PTPRT: variants seen among roughly 807,000 people sequenced by gnomAD.
PTPRT encodes the protein receptor-type tyrosine-protein phosphatase T.
A neutral mutation model predicts 176.8 loss-of-function variants in PTPRT; 56 were observed. The observed-to-expected ratio is 0.32, with a 90% CI of 0.26 to 0.40. The LOEUF is 0.40. PTPRT is among the 10% of genes least tolerant of loss of function. The pLI, the probability that PTPRT is intolerant of heterozygous loss-of-function variation, is 1.00. For missense variants in PTPRT, 1,540 were observed against 1,908.2 expected (o/e 0.81, Z 3.60); for synonymous variants, 783 against 739.0 (o/e 1.06, Z -0.96).
intron 7 of PTPRT, among the ~76,000 whole-genome samples, chr20:42,512,881 CAG>C (rs1313086134): frequency 1.3e-5 from 2 of 151,942 alleles, no homozygotes; most frequent in African/African-American, 4.8e-5. Context: ...TTTTTTGAGA[CAG>C]AGTTTCGCTC....
At chr20:42,985,810 C>A (rs1258308417) in intron 1 of PTPRT, among the ~76,000 whole-genome samples, 1 of 152,036 alleles carries the variant, frequency 6.6e-6, no homozygotes, top group Non-Finnish European at 1.5e-5. Context: ...GGAGTGCGCC[C>A]CCCAGAGCCA....
At chr20:42,588,935 T>G (rs1019142159) in intron 7 of PTPRT, among the ~76,000 whole-genome samples, 5 of 152,092 alleles carry the variant, frequency 3.3e-5, no homozygotes, top group Admixed American at 2.6e-4. Flanking sequence ...AGACGTAAAG[T>G]TATATGGTCC....
intron 6 of PTPRT, among the ~76,000 whole-genome samples, chr20:42,733,514 C>T (rs946519552): frequency 1.3e-5 from 2 of 152,178 alleles, no homozygotes; most frequent in South Asian, 2.1e-4. Context: ...CTGCCCTTCT[C>T]GACATAGGCC....
At chr20:42,276,032 C>A (rs978556499) in intron 13 of PTPRT, among the ~76,000 whole-genome samples, 12 of 152,136 alleles carry the variant, frequency 7.9e-5, no homozygotes, top group Non-Finnish European at 1.6e-4. Context: ...TCACTAGAGT[C>A]TTTCCTCTCA....
chr20:42,382,565 G>C (rs1850961176), intron 9 of PTPRT, among the ~76,000 whole-genome samples: 1 of 152,206 alleles, frequency 6.6e-6, no homozygotes, highest in South Asian at 2.1e-4. Flanking sequence ...GGGCCAGGTG[G>C]AGAGTGTCAT....
intron 2 of PTPRT, among the ~76,000 whole-genome samples, chr20:42,797,337 C>T (rs1382129667): frequency 6.6e-6 from 1 of 152,184 alleles, no homozygotes; most frequent in Non-Finnish European, 1.5e-5. Context: ...TTGATTCTCT[C>T]ACCATCCAAT....
rs750716261 is a variant in PTPRT at position 42,115,223 on chromosome 20, G to A, written c.3075C>T (p.Val1025=). 4 of 1,613,932 alleles carry A rather than the reference G, an allele frequency of 2.5e-6. No individual in the cohort carries two copies. The Admixed American group carries it at 5.0e-5, about 20-fold the overall frequency. Residue 1025 remains valine (V), a synonymous_variant, in exon 22 of 31, where the codon GTC becomes GTT. Coordinates refer to ENST00000373187, the MANE Select transcript of PTPRT (RefSeq NM_007050.6). The part of the protein sequence containing the change: ...LIETEPLAEY[V]IRTFTVQKKG... ...CCTTCTGGACTGTGAAGGTGCGTAT[G>A]ACGTATTCTGCCAGGGGCTCTGTTT...
chr20:43,001,723 G>A (rs908039124), intron 1 of PTPRT, among the ~76,000 whole-genome samples: 1 of 152,012 alleles, frequency 6.6e-6, no homozygotes, highest in Non-Finnish European at 1.5e-5. Flanking sequence ...TGATTAAGCT[G>A]GATTCAACAA....
At chr20:42,444,668 T>A (rs913123152) in intron 9 of PTPRT, among the ~76,000 whole-genome samples, 1 of 152,186 alleles carries the variant, frequency 6.6e-6, no homozygotes, top group African/African-American at 2.4e-5. Context: ...CCACAGACAA[T>A]CCTGAATTTC....
chr20:42,741,651 T>A (rs2076612850), intron 6 of PTPRT, among the ~76,000 whole-genome samples: 1 of 152,154 alleles, frequency 6.6e-6, no homozygotes, highest in Non-Finnish European at 1.5e-5. Flanking sequence ...CGGCCTTTTC[T>A]GTGATTTCTG....
intron 1 of PTPRT, among the ~76,000 whole-genome samples, chr20:43,105,070 G>A (rs76081047): frequency 0.023 from 3,571 of 152,156 alleles, 155 homozygotes; most frequent in African/African-American, 0.082. Context: ...CCAGGCCTCT[G>A]AGGTCTGGAA....
intron 9 of PTPRT, among the ~76,000 whole-genome samples, chr20:42,380,621 GA>G (rs1477876338): frequency 6.6e-6 from 1 of 152,214 alleles, no homozygotes; most frequent in South Asian, 2.1e-4. Context: ...AAAGGGGAAA[GA>G]AAATGAGCCT....
intron 1 of PTPRT, among the ~76,000 whole-genome samples, chr20:43,164,072 TG>T (rs1378210556): frequency 6.6e-6 from 1 of 152,252 alleles, no homozygotes; most frequent in Non-Finnish European, 1.5e-5. Flanking sequence ...GATGATTATT[TG>T]GGATTATTTA....
chr20:42,730,666 C>T (rs2076447221), intron 6 of PTPRT, among the ~76,000 whole-genome samples: 2 of 152,176 alleles, frequency 1.3e-5, no homozygotes, highest in African/African-American at 4.8e-5. Context: ...TGGAAGCACC[C>T]CTACCCTATC....
chr20:42,353,703 A>T (rs1292634571), intron 9 of PTPRT, among the ~76,000 whole-genome samples: 1 of 152,210 alleles, frequency 6.6e-6, no homozygotes, highest in Non-Finnish European at 1.5e-5. Context: ...CACAGTTGTG[A>T]AGTGGCAAAC....
At chr20:42,350,910 T>C (rs2058274363) in intron 10 of PTPRT, among the ~76,000 whole-genome samples, 180 bp from the exon 11 acceptor site, 1 of 152,150 alleles carries the variant, frequency 6.6e-6, no homozygotes, top group Non-Finnish European at 1.5e-5. Flanking sequence ...AACCTGCCCA[T>C]AGTAGGTTTC....
chr20:42,701,975 AAG>A (rs2075980105), intron 6 of PTPRT, among the ~76,000 whole-genome samples: 1 of 152,154 alleles, frequency 6.6e-6, no homozygotes, highest in Non-Finnish European at 1.5e-5. Context: ...CAAAACAGGT[AAG>A]AGTGTGTGCA....
At chr20:42,771,837 C>T (rs940611982) in intron 4 of PTPRT, among the ~76,000 whole-genome samples, 2 of 152,186 alleles carry the variant, frequency 1.3e-5, no homozygotes, top group African/African-American at 4.8e-5. Flanking sequence ...TCATTTGGCA[C>T]AGACACATAT....
At chr20:42,034,481 G>T in the PTPRT span, among the ~76,000 whole-genome samples, 1 of 152,194 alleles carries the variant, frequency 6.6e-6, no homozygotes, top group South Asian at 2.1e-4. Context: ...ACTCACTCCT[G>T]TGTCATGGTC....
Sources: allele counts gnomAD v4.1 joint callset (sites outside exome capture counted in the v4.1 genomes callset), GRCh38; gene constraint gnomAD v4.1.1; transcripts MANE v1.5; gene names NCBI Gene and HGNC (gene_info 2026-07-23, HGNC 2026-07-21).